The following XPO7 variants were observed in gnomAD, a reference collection of about 807,000 sequenced individuals.
The protein encoded by XPO7 is exportin 7.
Under a neutral mutation model 144.3 loss-of-function variants are expected in XPO7, and 21 were observed. That is an observed-to-expected ratio of 0.15 (90% CI 0.10 to 0.21). XPO7 has a LOEUF of 0.21. Among genes scored for constraint, XPO7 ranks in the 10% least tolerant of loss-of-function variants. The pLI is 1.00. For missense variants in XPO7, 808 were observed against 1,325.8 expected (o/e 0.61, Z 6.06); for synonymous variants, 580 against 499.6 (o/e 1.16, Z -2.15).
At chr8:21,992,631 C>T (rs1812808624) in intron 19 of XPO7, among the ~76,000 whole-genome samples, 1 of 152,128 alleles carries the variant, frequency 6.6e-6, no homozygotes, top group Non-Finnish European at 1.5e-5. Context: ...TCACTGCAAG[C>T]CTTGAACTCC....
intron 18 of XPO7, chr8:21,991,593 CAT>C (rs1812773797): frequency 4.0e-6 from 1 of 253,036 alleles, no homozygotes; most frequent in Admixed American, 5.0e-5. Context: ...AAATAAATAA[CAT>C]AGTACCTTAC....
Position 21,982,830 on chromosome 8 carries a change from C to T in XPO7, c.1277+18C>T, listed in dbSNP as rs1563331757. ...ATACTGAGGTAAGGAAACTTAGCCT[C>T]ATTCATTCCCGCACCAGTGGCCTGT... On this transcript the variant is annotated intron_variant, in intron 11 of 27. Transcript: ENST00000252512. 1.3e-6 allele frequency: 2 copies of T among 1,581,822 alleles called. No individual in the cohort carries two copies. The highest frequency in any genetic ancestry group is 1.7e-6 in the Non-Finnish European group (2 of 1,166,868).
chr8:21,991,599 A>G (rs938262480), intron 18 of XPO7: 20 of 298,468 alleles, frequency 6.7e-5, no homozygotes, highest in African/African-American at 4.1e-4. Context: ...ATAACATAGT[A>G]CCTTACACAC....
At chr8:21,922,936 A>AGT (rs1810336626) in intron 1 of XPO7, among the ~76,000 whole-genome samples, 1 of 152,194 alleles carries the variant, frequency 6.6e-6, no homozygotes, top group South Asian at 2.1e-4. Flanking sequence ...ATTGACTACC[A>AGT]GTGTAACTCC....
intron 1 of XPO7, chr8:21,966,276 T>C: frequency 1.3e-6 from 1 of 780,204 alleles, no homozygotes; most frequent in Non-Finnish European, 2.4e-6. Flanking sequence ...CAGAAGAGAG[T>C]CTGCTGAACT....
At chr8:21,939,290 T>C (rs980392751) in intron 1 of XPO7, among the ~76,000 whole-genome samples, 1 of 152,060 alleles carries the variant, frequency 6.6e-6, no homozygotes, top group Non-Finnish European at 1.5e-5. Flanking sequence ...GCTGCGATCT[T>C]AGCTCACTAC....
At chr8:21,931,974 G>A (rs2117250128) in intron 1 of XPO7, among the ~76,000 whole-genome samples, 2 of 152,252 alleles carry the variant, frequency 1.3e-5, no homozygotes, top group Middle Eastern at 6.8e-3. Context: ...CTGGGTTCAA[G>A]CGATTTTCCT....
chr8:21,975,134 G>A (rs1812185634), intron 6 of XPO7, among the ~76,000 whole-genome samples: 2 of 152,230 alleles, frequency 1.3e-5, no homozygotes, highest in South Asian at 4.1e-4. Flanking sequence ...GCGAAAGCAT[G>A]TTAGTTTTAT....
At chr8:21,979,535 G>A (rs1188629689) in intron 8 of XPO7, among the ~76,000 whole-genome samples, 1 of 151,444 alleles carries the variant, frequency 6.6e-6, no homozygotes, top group Non-Finnish European at 1.5e-5. Context: ...AGCCTCCCAA[G>A]TACCTGGGAT....
chr8:21,994,064 C>G (rs368211575), intron 19 of XPO7, among the ~76,000 whole-genome samples: 157 of 151,436 alleles, frequency 1.0e-3, no homozygotes, highest in African/African-American at 3.5e-3. Context: ...ACCTTATCAG[C>G]CTCTATTTTT....
intron 1 of XPO7, among the ~76,000 whole-genome samples, chr8:21,926,336 A>G (rs1810457475): frequency 6.6e-6 from 1 of 152,146 alleles, no homozygotes; most frequent in Admixed American, 6.5e-5. Flanking sequence ...GCATGATAAG[A>G]AATTATGATA....
At chr8:21,926,059 T>C (rs1415758035) in intron 1 of XPO7, among the ~76,000 whole-genome samples, 1 of 152,160 alleles carries the variant, frequency 6.6e-6, no homozygotes, top group East Asian at 1.9e-4. Flanking sequence ...ATTAACATTA[T>C]TAGTCAAATG....
chr8:21,990,757 A>G (rs186656516), intron 17 of XPO7, 54 bp from the exon 18 acceptor site: 26 of 1,545,806 alleles, frequency 1.7e-5, no homozygotes, highest in Non-Finnish European at 1.5e-5. Flanking sequence ...ACTGGCTTGC[A>G]TTCTGCCTCT....
At chr8:21,932,361 A>G (rs1810680723) in intron 1 of XPO7, among the ~76,000 whole-genome samples, 1 of 152,248 alleles carries the variant, frequency 6.6e-6, no homozygotes, top group Admixed American at 6.5e-5. Flanking sequence ...CGTGTACGTC[A>G]AAACTTCTTA....
In XPO7 at chr8:21,944,466, C is replaced by G. The variant is rs1456487200; in HGVS notation, c.19-22391C>G. On this transcript the variant is annotated intron_variant, in intron 1 of 27. Transcript: ENST00000252512. ...TCTGTAATCCCAGCTACTCGGGAGG[C>G]TGAGACTGGAGAATCACTTGAACCC... is the stretch of plus-strand genomic sequence containing the variant. Among the ~76,000 whole-genome samples, 8 of 152,210 alleles carry G rather than the reference C, an allele frequency of 5.3e-5. No homozygotes were observed. The East Asian group carries it at 9.6e-4, about 18-fold the overall frequency.
At chr8:21,957,355 G>C (rs1811570043) in intron 1 of XPO7, among the ~76,000 whole-genome samples, 1 of 152,140 alleles carries the variant, frequency 6.6e-6, no homozygotes, top group African/African-American at 2.4e-5. Flanking sequence ...CTTTCACCCT[G>C]TTTCTCCTTC....
intron 17 of XPO7, 128 bp from the exon 18 acceptor site, chr8:21,990,683 C>T: frequency 1.0e-6 from 1 of 983,136 alleles, no homozygotes; most frequent in East Asian, 2.5e-5. Context: ...AAAAAAAAAC[C>T]TTCAGATCCT....
chr8:21,967,056 T>C, intron 2 of XPO7, 53 bp downstream of exon 2: 1 of 1,578,828 alleles, frequency 6.3e-7, no homozygotes, highest in Admixed American at 1.8e-5. Context: ...GAAACGTTAT[T>C]CTGGTTCTCT....
chr8:21,980,084 G>A lies in XPO7; in HGVS notation c.838G>A (p.Val280Ile). ...TGTTTGGGTTCTGCCCTGCATTTAG[G>A]TATTATCCTGCTTGGTACAGATCGC... ...HSIPPSFSPL[V>I]LSCLVQIASV... is the part of the protein sequence containing the mutation. Residue 280 changes from valine to isoleucine, a missense_variant and splice_region_variant, in exon 9 of 28, where the codon GTA becomes ATA. This residue lies in a region of XPO7 where 223 missense variants were observed against 368.8 expected (regional missense o/e 0.60). Coordinates refer to ENST00000252512, the MANE Select transcript of XPO7 (RefSeq NM_015024.5). 6.3e-7 allele frequency: 1 copy of A among 1,585,570 alleles called. No homozygotes were observed. Among genetic ancestry groups the A allele is most frequent in the East Asian group, 2.3e-5 (1 of 44,060 alleles).
Sources: gnomAD v4.1 joint callset for allele counts (sites outside exome capture counted in the v4.1 genomes callset) on GRCh38, gnomAD v4.1.1 for gene constraint, gnomAD v4.1.1 regional missense constraint, MANE v1.5 for transcripts, NCBI Gene and HGNC (gene_info 2026-07-23, HGNC 2026-07-21) for gene names.